The following PINX1 variants were observed in gnomAD, a reference collection of about 807,000 sequenced individuals.
PINX1 encodes the protein PIN2 (TERF1) interacting telomerase inhibitor 1, also known as PIN2/TERF1-interacting telomerase inhibitor 1.
In PINX1, 34 loss-of-function variants were observed where a neutral mutation model predicts 25.4. That is an observed-to-expected ratio of 1.34 (90% confidence interval 1.02 to 1.78). The LOEUF is 1.78. Ranked by LOEUF, PINX1 falls within the 40% of genes most tolerant of loss-of-function variation. The pLI is 0.00. For synonymous variants in PINX1, 197 were observed against 147.7 expected (o/e 1.33, Z -2.42); for missense variants, 592 against 404.9 (o/e 1.46, Z -3.97).
intron 6 of PINX1, among the ~76,000 whole-genome samples, chr8:10,790,895 GA>G (rs926102279): frequency 2.6e-5 from 4 of 151,206 alleles, no homozygotes; most frequent in East Asian, 1.9e-4. Flanking sequence ...GGCTCTCAGG[GA>G]AAAAAAAATC....
intron 6 of PINX1, among the ~76,000 whole-genome samples, chr8:10,792,797 C>A (rs1801964910): frequency 6.6e-6 from 1 of 152,182 alleles, no homozygotes. Flanking sequence ...ACATTGTATT[C>A]CTCATGGCAT....
chr8:10,839,872 G>C lies in PINX1; in HGVS notation c.-116C>G, dbSNP rs936611442. On this transcript the variant is annotated 5_prime_UTR_variant, in exon 1 of 7. Transcript: ENST00000314787. ...AACTCCCTCGCCGGCGGACTGCAGC[G>C]GACGGGGCGCGTGCTGGTGACGTCA... The C allele has an allele frequency of 1.2e-5, 12 of 1,034,794 alleles. No individual in the cohort carries two copies. Among genetic ancestry groups the C allele is most frequent in the African/African-American group, 1.6e-5 (1 of 60,796 alleles). The allele number at this position is 1,034,794 out of a possible 1,614,324, so 64.1% of individuals were successfully genotyped here. A position where few individuals can be genotyped will look rare whatever the true frequency, so the allele number is the denominator to read the frequency against.
At position 10,821,291 on chromosome 8, in the gene PINX1, A is replaced by G. The variant is rs183603411; in HGVS notation, c.395-1022T>C. Among the ~76,000 whole-genome samples the G allele has an allele frequency of 8.5e-5, 13 of 152,354 alleles. No individual in the cohort carries two copies. The East Asian group carries it at 1.7e-3, about 20-fold the overall frequency. The stretch of plus-strand genomic sequence containing the variant: ...CTAGTTCACTATCACTGGGGCACTT[A>G]AATATGATATTGCTCAGTGACTCCG... On this transcript the variant is annotated intron_variant, in intron 5 of 6. Coordinates refer to ENST00000314787, the MANE Select transcript of PINX1 (RefSeq NM_017884.6).
At chr8:10,790,363 G>T (rs111749012) in intron 6 of PINX1, among the ~76,000 whole-genome samples, 16 of 152,236 alleles carry the variant, frequency 1.1e-4, no homozygotes, top group Non-Finnish European at 2.4e-4. Flanking sequence ...GGACCTCACA[G>T]CATCAGGTCA....
intron 6 of PINX1, among the ~76,000 whole-genome samples, chr8:10,785,308 G>A (rs912176822): frequency 5.3e-5 from 8 of 152,174 alleles, no homozygotes; most frequent in East Asian, 1.9e-4. Flanking sequence ...AAGGATTGGC[G>A]TAGCAAGTTA....
intron 6 of PINX1, among the ~76,000 whole-genome samples, chr8:10,805,399 C>T (rs1169630243): frequency 1.3e-5 from 2 of 151,834 alleles, no homozygotes; most frequent in Non-Finnish European, 2.9e-5. Flanking sequence ...CTTTAGACAA[C>T]CAGAGTACTC....
Position 10,765,451 on chromosome 8 carries a change from T to C in PINX1, c.937A>G (p.Thr313Ala), listed in dbSNP as rs1801000508. ...TTTTTCACTAGCGTTTCTTCTAGTG[T>C]AGCGTCCTCTGCTATCTCTACTGGT... Reference protein sequence around the residue: ...QKPVEIAEDATLEETLVKKKK... With the variant: ...QKPVEIAEDAALEETLVKKKK... Residue 313 changes from threonine to alanine, a missense_variant, in exon 7 of 7, where the codon ACA (threonine) becomes GCA (alanine). Thr to Ala is a moderately conservative substitution (Grantham distance 58). Transcript: ENST00000314787. 1 of 1,612,522 alleles carries C rather than the reference T, an allele frequency of 6.2e-7. No homozygotes were observed. The highest frequency in any genetic ancestry group is 8.5e-7 in the Non-Finnish European group (1 of 1,179,708).
chr8:10,826,179 G>C lies in PINX1; in HGVS notation c.367C>G (p.Arg123Gly). ...TTTGTGAATTTCATATAGTGAACAC[G>C]GTTTTTGGAGATTTTGGACTTTTCC... ...LEEKSKISKNRVHYMKFTKGK... is the reference protein window; with the variant it reads ...LEEKSKISKNGVHYMKFTKGK... The change falls in exon 5 of 7, where the codon CGT (arginine) becomes GGT (glycine). Residue 123 changes from arginine (R) to glycine (G), a missense_variant. By Grantham distance (125) the Arg-to-Gly change is moderately radical. Transcript: ENST00000314787. 6.3e-7 allele frequency: 1 copy of C among 1,584,530 alleles called. No individual in the cohort carries two copies. The highest frequency in any genetic ancestry group is 8.6e-7 in the Non-Finnish European group (1 of 1,156,582).
At chr8:10,809,613 T>C (rs1005670746) in intron 6 of PINX1, among the ~76,000 whole-genome samples, 1 of 152,214 alleles carries the variant, frequency 6.6e-6, no homozygotes, top group Non-Finnish European at 1.5e-5. Context: ...TTCTTACCTG[T>C]TCCTATGCTG....
In PINX1 at chr8:10,784,734, C is replaced by CG. The variant is rs1438282685; in HGVS notation, c.472-18819dup. On this transcript the variant is annotated intron_variant, in intron 6 of 6. Coordinates refer to ENST00000314787, the MANE Select transcript of PINX1 (RefSeq NM_017884.6). The stretch of plus-strand genomic sequence containing the variant: ...CTCCATGTGATTTTAAGAGTCAGAA[C>CG]GTGAATTAAAGGAGCCTGGACTAAA... 2.0e-5 allele frequency among the ~76,000 whole-genome samples: 3 copies of CG among 152,128 alleles called. No homozygotes were observed. The East Asian group carries it at 5.8e-4, about 29-fold the overall frequency.
At chr8:10,774,291 T>G (rs1223271768) in intron 6 of PINX1, among the ~76,000 whole-genome samples, 1 of 152,140 alleles carries the variant, frequency 6.6e-6, no homozygotes, top group Non-Finnish European at 1.5e-5. Flanking sequence ...GGTCTTTTTT[T>G]TTTTTTTGAG....
chr8:10,807,053 G>A (rs893834847), intron 6 of PINX1, among the ~76,000 whole-genome samples: 3 of 152,094 alleles, frequency 2.0e-5, no homozygotes, highest in African/African-American at 7.2e-5. Context: ...GACTATGTGG[G>A]GGAAATCCTC....
chr8:10,825,538 T>C (rs528681702), intron 5 of PINX1: 1 of 510,834 alleles, frequency 2.0e-6, no homozygotes, highest in Non-Finnish European at 4.0e-6. Context: ...AACAACCGCA[T>C]GCACAAATGA....
chr8:10,771,712 T>G (rs894105004), intron 6 of PINX1, among the ~76,000 whole-genome samples: 1 of 152,178 alleles, frequency 6.6e-6, no homozygotes, highest in Admixed American at 6.5e-5. Flanking sequence ...AGTACGAACT[T>G]GTCTGCACAT....
At chr8:10,808,589 T>G (rs976453534) in intron 6 of PINX1, among the ~76,000 whole-genome samples, 2 of 152,196 alleles carry the variant, frequency 1.3e-5, no homozygotes, top group African/African-American at 2.4e-5. Flanking sequence ...ATACAAAAAT[T>G]AAAGTACAGA....
chr8:10,820,241 T>G lies in PINX1; in HGVS notation c.423A>C (p.Thr141=). The G allele has an allele frequency of 6.2e-7, 1 of 1,612,780 alleles. No homozygotes were observed. The highest frequency in any genetic ancestry group is 8.5e-7 in the Non-Finnish European group (1 of 1,178,908). ...KGKDLSSRSK[T]DLDCIFGKRQ... The stretch of plus-strand genomic sequence containing the variant: ...TTTTCCCAAAAATGCAGTCAAGATC[T>G]GTTTTGCTCCGAGATGACAGATCCT... Residue 141 remains threonine, a synonymous_variant, in exon 6 of 7, where the codon ACA becomes ACC. Transcript: ENST00000314787.
At chr8:10,772,845 G>C (rs1801271359) in intron 6 of PINX1, among the ~76,000 whole-genome samples, 1 of 152,136 alleles carries the variant, frequency 6.6e-6, no homozygotes, top group African/African-American at 2.4e-5. Context: ...GCATGTATTA[G>C]AAGCCCACTC....
intron 6 of PINX1, among the ~76,000 whole-genome samples, chr8:10,774,578 G>A (rs1801329863): frequency 6.6e-6 from 1 of 152,202 alleles, no homozygotes; most frequent in African/African-American, 2.4e-5. Flanking sequence ...ACCGTGCCCA[G>A]CCGAATAAGG....
Position 10,765,857 on chromosome 8 carries a change from G to A in PINX1, c.531C>T (p.Thr177=), listed in dbSNP as rs769400018. Residue 177 remains threonine (T), a synonymous_variant, in exon 7 of 7, where the codon ACC becomes ACT. Transcript: ENST00000314787. ...TCCGCTTGGCAAAGTACTCCTGGAT[G>A]GTGAAGGCGCTGGTTGTCGTGGTTT... ...ENETTTTSAF[T]IQEYFAKRMA... The A allele has an allele frequency of 1.5e-5, 24 of 1,613,830 alleles. No individual in the cohort carries two copies. The South Asian group carries it at 2.5e-4, about 17-fold the overall frequency.
Sources: gnomAD v4.1 joint callset for allele counts (sites outside exome capture counted in the v4.1 genomes callset) on GRCh38, gnomAD v4.1.1 for gene constraint, MANE v1.5 for transcripts, NCBI Gene and HGNC (gene_info 2026-07-23, HGNC 2026-07-21) for gene names.